The following PCDH9 variants were observed in gnomAD, a reference collection of about 807,000 sequenced individuals.
The protein encoded by PCDH9 is protocadherin-9.
In PCDH9, 24 loss-of-function variants were observed where a neutral mutation model predicts 70.6. That is an observed-to-expected ratio of 0.34 (90% CI 0.25 to 0.48). The LOEUF (loss-of-function observed/expected upper bound fraction) is 0.48. Among genes scored for constraint, PCDH9 ranks in the 20% least tolerant of loss-of-function variants. The pLI is 0.99. For missense variants in PCDH9, 1,281 were observed against 1,503.6 expected (o/e 0.85, Z 2.45); for synonymous variants, 562 against 558.5 (o/e 1.01, Z -0.09).
In PCDH9 at chr13:66,556,962, A is replaced by T. The variant is rs1016648725; in HGVS notation, c.3340+74248T>A. Reference sequence around the variant, plus strand: ...AATACTTAAGAGCCTTTCCTTCTTCACAAAGATAAAGGAGTTATCAGAGCT... The same window carrying T: ...AATACTTAAGAGCCTTTCCTTCTTCTCAAAGATAAAGGAGTTATCAGAGCT... On this transcript the variant is annotated intron_variant, in intron 4 of 4. Coordinates refer to ENST00000377865, the MANE Select transcript of PCDH9 (RefSeq NM_203487.3). Among the ~76,000 whole-genome samples, 5 of 152,174 alleles carry T rather than the reference A, an allele frequency of 3.3e-5. No homozygotes were observed. In the East Asian group the frequency reaches 9.6e-4, roughly 29 times the overall value.
chr13:66,455,156 A>G lies in PCDH9; in HGVS notation c.3341-150128T>C, dbSNP rs184925386. On this transcript the variant is annotated intron_variant, in intron 4 of 4. Transcript: ENST00000377865. The stretch of plus-strand genomic sequence containing the variant: ...TTGTAAGTTTCATAATTCAATCATA[A>G]AACAATAAAACCTTTTTAATATTTA... Among the ~76,000 whole-genome samples the G allele has an allele frequency of 2.2e-3, 339 of 152,140 alleles. 1 individual carries two copies. The highest frequency in any genetic ancestry group is 7.8e-3 in the African/African-American group (326 of 41,550).
chr13:67,002,471 G>T (rs1269812204), intron 2 of PCDH9, among the ~76,000 whole-genome samples: 1 of 151,282 alleles, frequency 6.6e-6, no homozygotes, highest in African/African-American at 2.4e-5. Flanking sequence ...AATTTATTAA[G>T]TCTGTCCTAA....
At chr13:66,665,106 C>T (rs1447257322) in intron 3 of PCDH9, among the ~76,000 whole-genome samples, 4 of 99,688 alleles carry the variant, frequency 4.0e-5, no homozygotes, top group Admixed American at 2.7e-4. Context: ...TTTCTTTTCT[C>T]TCCTTTTTTT....
At chr13:66,332,406 C>A (rs1955960272) in intron 4 of PCDH9, among the ~76,000 whole-genome samples, 1 of 152,134 alleles carries the variant, frequency 6.6e-6, no homozygotes, top group Non-Finnish European at 1.5e-5. Context: ...TTAATACAAT[C>A]TACACAGTTC....
chr13:66,441,874 G>A (rs1593985436), intron 4 of PCDH9, among the ~76,000 whole-genome samples: 1 of 151,906 alleles, frequency 6.6e-6, no homozygotes, highest in African/African-American at 2.4e-5. Context: ...TACAGTTTCT[G>A]GGTTTCTACA....
At chr13:66,414,382 T>TA (rs1345191843) in intron 4 of PCDH9, among the ~76,000 whole-genome samples, 3 of 152,368 alleles carry the variant, frequency 2.0e-5, no homozygotes, top group Admixed American at 1.3e-4. Flanking sequence ...TTACATAAAA[T>TA]TCTCTTGTCT....
At chr13:66,479,716 A>G (rs927794086) in intron 4 of PCDH9, among the ~76,000 whole-genome samples, 6 of 152,242 alleles carry the variant, frequency 3.9e-5, no homozygotes, top group African/African-American at 1.4e-4. Flanking sequence ...TTGTAAATTC[A>G]CCAATCAGCA....
intron 3 of PCDH9, among the ~76,000 whole-genome samples, chr13:66,701,085 T>C (rs775464329): frequency 6.6e-6 from 1 of 150,908 alleles, no homozygotes; most frequent in Non-Finnish European, 1.5e-5. Flanking sequence ...TGAACAAATA[T>C]AAATCTAATG....
At chr13:66,584,839 A>T (rs1285193882) in intron 4 of PCDH9, among the ~76,000 whole-genome samples, 1 of 152,134 alleles carries the variant, frequency 6.6e-6, no homozygotes, top group Admixed American at 6.5e-5. Context: ...AGAAGCACCT[A>T]TCTTAAGAAT....
intron 3 of PCDH9, among the ~76,000 whole-genome samples, chr13:66,876,193 A>G (rs1283790642): frequency 6.6e-6 from 1 of 152,198 alleles, no homozygotes; most frequent in African/African-American, 2.4e-5. Context: ...GCCAGAGTGG[A>G]TTAGACTTAG....
At chr13:67,177,237 T>A (rs1392128489) in intron 2 of PCDH9, among the ~76,000 whole-genome samples, 1 of 152,072 alleles carries the variant, frequency 6.6e-6, no homozygotes, top group East Asian at 1.9e-4. Flanking sequence ...ATTAAATAAT[T>A]CACATTTTTT....
At position 67,227,306 on chromosome 13, in the gene PCDH9, C is replaced by T. The variant is rs756782039; in HGVS notation, c.1135G>A (p.Val379Ile). Reference sequence around the variant, plus strand: ...GTAATTAGGGCAATCTTTGTATTGACAGGATCTTTCTCAGATAAATACACG... The same window carrying T: ...GTAATTAGGGCAATCTTTGTATTGATAGGATCTTTCTCAGATAAATACACG... The part of the protein sequence containing the change: ...GTVYLSEKDP[V>I]NTKIALITVS... The change falls in exon 2 of 5, where the codon GTC becomes ATC. Residue 379 changes from valine to isoleucine, a missense_variant. Physicochemically the swap from Val to Ile is conservative, Grantham distance 29. Around this residue, in one of 4 missense-constraint regions of PCDH9, gnomAD observed 798 missense variants for 1,003.1 expected, o/e 0.80. Transcript: ENST00000377865. The surrounding 1 kb of genome is among the most constrained non-coding windows in gnomAD (Gnocchi z 4.6). 5 of 1,613,442 alleles carry T rather than the reference C, an allele frequency of 3.1e-6. No individual in the cohort carries two copies. Among genetic ancestry groups the T allele is most frequent in the Non-Finnish European group, 4.2e-6 (5 of 1,179,540 alleles).
intron 3 of PCDH9, among the ~76,000 whole-genome samples, chr13:66,685,334 C>T (rs1002699515): frequency 3.3e-5 from 5 of 152,234 alleles, no homozygotes; most frequent in African/African-American, 1.2e-4. Context: ...AGCCCCAAGC[C>T]TTGTTGGCTT....
intron 3 of PCDH9, among the ~76,000 whole-genome samples, chr13:66,695,500 CTAGT>C (rs1398115993): frequency 1.3e-5 from 2 of 152,124 alleles, no homozygotes; most frequent in African/African-American, 4.8e-5. Flanking sequence ...TTTATGTACA[CTAGT>C]TAGTAAGTTG....
chr13:66,418,748 C>T (rs1236518661), intron 4 of PCDH9, among the ~76,000 whole-genome samples: 1 of 151,974 alleles, frequency 6.6e-6, no homozygotes, highest in African/African-American at 2.4e-5. Flanking sequence ...TAGAGAAGAA[C>T]TGAAGGAGAT....
rs187960445 is a variant in PCDH9 at position 66,707,540 on chromosome 13, A to G, written c.3139-76129T>C. ...GATGTTCATGCCGATCAACATAGCA[A>G]TAAATGAGATTACATAGGCGCTTCT... On this transcript the variant is annotated intron_variant, in intron 3 of 4. Transcript: ENST00000377865. 2.1e-3 allele frequency among the ~76,000 whole-genome samples: 324 copies of G among 152,362 alleles called. 3 individuals are homozygous for G. The highest frequency in any genetic ancestry group is 6.6e-3 in the African/African-American group (273 of 41,594).
intron 2 of PCDH9, among the ~76,000 whole-genome samples, chr13:67,123,056 G>A (rs1009585473): frequency 4.0e-5 from 6 of 151,780 alleles, no homozygotes; most frequent in Non-Finnish European, 8.8e-5. Flanking sequence ...TTCCTTAATC[G>A]ATATGTTAAC....
At chr13:66,717,545 A>C (rs1165764082) in intron 3 of PCDH9, among the ~76,000 whole-genome samples, 1 of 146,914 alleles carries the variant, frequency 6.8e-6, no homozygotes, top group Non-Finnish European at 1.5e-5. Context: ...AGTACAAGAT[A>C]TGTCTCGCAT....
At chr13:66,355,861 A>G (rs759515312) in intron 4 of PCDH9, among the ~76,000 whole-genome samples, 9 of 152,102 alleles carry the variant, frequency 5.9e-5, no homozygotes, top group Admixed American at 3.9e-4. Context: ...AAGAATTGAC[A>G]ATACCTTCTG....
Sources: allele counts gnomAD v4.1 joint callset (sites outside exome capture counted in the v4.1 genomes callset), GRCh38; gene constraint gnomAD v4.1.1; regional missense constraint gnomAD v4.1.1; non-coding constraint Gnocchi (gnomAD v3.1); transcripts MANE v1.5; gene names NCBI Gene and HGNC (gene_info 2026-07-23, HGNC 2026-07-21).